Variants in HS2ST1 observed in about 807,000 individuals in gnomAD.
HS2ST1 encodes heparan sulfate 2-O-sulfotransferase 1.
In HS2ST1, 18 loss-of-function variants were observed where a neutral mutation model predicts 42.9. That is an observed-to-expected ratio of 0.42 (90% CI 0.29 to 0.62). The LOEUF is 0.62. Among genes scored for constraint, HS2ST1 ranks in the 20% least tolerant of loss-of-function variants. The pLI is 0.21. For missense variants in HS2ST1, 334 were observed against 433.8 expected (o/e 0.77, Z 2.04); for synonymous variants, 146 against 152.9 (o/e 0.95, Z 0.33).
At chr1:86,983,916 T>C (rs1648675465) in intron 1 of HS2ST1, among the ~76,000 whole-genome samples, 1 of 151,988 alleles carries the variant, frequency 6.6e-6, no homozygotes, top group Non-Finnish European at 1.5e-5. Context: ...GGCGGGCGCC[T>C]CTAATCCCAG....
At chr1:87,027,923 C>T (rs977763555) in intron 1 of HS2ST1, among the ~76,000 whole-genome samples, 33 of 152,324 alleles carry the variant, frequency 2.2e-4, no homozygotes, top group Admixed American at 1.1e-3. Context: ...CTCCTGACCT[C>T]AAGTGATCTG....
At chr1:87,075,361 C>T (rs1443510924) in intron 2 of HS2ST1, among the ~76,000 whole-genome samples, 2 of 151,800 alleles carry the variant, frequency 1.3e-5, no homozygotes, top group Non-Finnish European at 2.9e-5. Context: ...GAGACAGAGT[C>T]TCACCGTGTT....
At chr1:87,078,481 A>G (rs755538798) in intron 2 of HS2ST1, among the ~76,000 whole-genome samples, 21 of 152,202 alleles carry the variant, frequency 1.4e-4, no homozygotes, top group Non-Finnish European at 2.8e-4. Flanking sequence ...CGTTTCATGT[A>G]CTATATCTGA....
At chr1:87,085,416 T>C (rs1373262733) in intron 3 of HS2ST1, among the ~76,000 whole-genome samples, 1 of 152,200 alleles carries the variant, frequency 6.6e-6, no homozygotes, top group East Asian at 1.9e-4. Flanking sequence ...CTTAACTTTT[T>C]GGGAAATCAT....
chr1:86,943,580 G>A (rs1647227547), intron 1 of HS2ST1, among the ~76,000 whole-genome samples: 1 of 151,930 alleles, frequency 6.6e-6, no homozygotes, highest in South Asian at 2.1e-4. Flanking sequence ...AAATTAGCCA[G>A]GTATGGTGGC....
At chr1:87,011,370 A>G (rs577649696) in intron 1 of HS2ST1, among the ~76,000 whole-genome samples, 2 of 152,102 alleles carry the variant, frequency 1.3e-5, no homozygotes, top group Non-Finnish European at 1.5e-5. Flanking sequence ...CTGCCTCCCA[A>G]CAGCTGGGAC....
At chr1:87,016,051 A>G (rs1404714363) in intron 1 of HS2ST1, among the ~76,000 whole-genome samples, 1 of 150,716 alleles carries the variant, frequency 6.6e-6, no homozygotes, top group East Asian at 2.0e-4. Context: ...TCCTGACCTC[A>G]TGATCCGCCA....
At chr1:86,946,333 G>C (rs1647336398) in intron 1 of HS2ST1, among the ~76,000 whole-genome samples, 1 of 152,202 alleles carries the variant, frequency 6.6e-6, no homozygotes, top group Non-Finnish European at 1.5e-5. Flanking sequence ...TTGCTGTACA[G>C]ATAAGGCAAA....
intron 1 of HS2ST1, chr1:87,045,570 T>G (rs1436875715): frequency 1.3e-6 from 1 of 792,230 alleles, no homozygotes; most frequent in African/African-American, 1.7e-5. Context: ...CACAAGAAAC[T>G]TCTTTCTTGG....
chr1:86,921,033 A>G (rs990182931), intron 1 of HS2ST1, among the ~76,000 whole-genome samples: 1 of 152,226 alleles, frequency 6.6e-6, no homozygotes, highest in African/African-American at 2.4e-5. Context: ...TCCATGATAT[A>G]TACATGTTTT....
intron 1 of HS2ST1, among the ~76,000 whole-genome samples, chr1:87,009,050 T>C (rs561468057): frequency 6.6e-6 from 1 of 152,210 alleles, no homozygotes; most frequent in South Asian, 2.1e-4. Context: ...TACCATGTTG[T>C]CCAAGCTGGT....
rs1021928694 is a variant in HS2ST1, at chr1:86,921,553, C to T, written c.124+6393C>T. Among the ~76,000 whole-genome samples the T allele has an allele frequency of 3.3e-5, 5 of 152,216 alleles. No homozygotes were observed. In the South Asian group the frequency reaches 8.3e-4, roughly 25 times the overall value. ...GTTTAGGTGATGAGGGCTCTCCCCT[C>T]ATAACTGTATTAATACTGTTATAAA... On this transcript the variant is annotated intron_variant, in intron 1 of 6. Coordinates refer to ENST00000370550, the MANE Select transcript of HS2ST1 (RefSeq NM_012262.4).
intron 5 of HS2ST1, among the ~76,000 whole-genome samples, chr1:87,100,790 A>G (rs1160772338): frequency 6.6e-6 from 1 of 152,242 alleles, no homozygotes; most frequent in Non-Finnish European, 1.5e-5. Flanking sequence ...GTGTGGTGGC[A>G]TATGCCCATA....
intron 1 of HS2ST1, among the ~76,000 whole-genome samples, chr1:87,001,205 C>T (rs956805028): frequency 1.2e-4 from 18 of 152,078 alleles, no homozygotes; most frequent in African/African-American, 2.4e-4. Context: ...TATGTGAATA[C>T]CTTTGGATTT....
At chr1:87,051,962 A>G (rs1482214445) in intron 1 of HS2ST1, among the ~76,000 whole-genome samples, 4 of 152,204 alleles carry the variant, frequency 2.6e-5, no homozygotes, top group Admixed American at 1.3e-4. Flanking sequence ...TAAAATATAA[A>G]AAGTTTTAGG....
In HS2ST1 at chr1:86,958,038, C is replaced by T. The variant is rs552178617; in HGVS notation, c.124+42878C>T. Among the ~76,000 whole-genome samples the T allele has an allele frequency of 1.5e-3, 222 of 152,212 alleles. 1 individual carries two copies. The highest frequency in any genetic ancestry group is 3.7e-3 in the African/African-American group (155 of 41,530). ...GAACTCCTGACCACGGTGATCCACC[C>T]GCCTCGGCCTCCCAAAGTGCTGGGA... On this transcript the variant is annotated intron_variant, in intron 1 of 6. Transcript: ENST00000370550.
At chr1:86,936,698 C>T (rs1660661390) in intron 1 of HS2ST1, among the ~76,000 whole-genome samples, 2 of 152,000 alleles carry the variant, frequency 1.3e-5, no homozygotes, top group Admixed American at 6.6e-5. Flanking sequence ...TGCATTTAAC[C>T]GTTCTTTTAT....
intron 1 of HS2ST1, among the ~76,000 whole-genome samples, chr1:87,037,603 T>G (rs1650412715): frequency 3.3e-5 from 5 of 151,908 alleles, no homozygotes; most frequent in Admixed American, 3.3e-4. Flanking sequence ...TTGAATTTTT[T>G]TTTTTTTTAC....
At chr1:86,965,129 G>A (rs1357557050) in intron 1 of HS2ST1, among the ~76,000 whole-genome samples, 1 of 152,174 alleles carries the variant, frequency 6.6e-6, no homozygotes, top group Non-Finnish European at 1.5e-5. Context: ...CAGTAATAGA[G>A]TAAGACAAAG....
Sources: allele counts gnomAD v4.1 joint callset (sites outside exome capture counted in the v4.1 genomes callset), GRCh38; gene constraint gnomAD v4.1.1; transcripts MANE v1.5; gene names NCBI Gene and HGNC (gene_info 2026-07-23, HGNC 2026-07-21).